Variants in MYO3B observed in about 807,000 individuals in gnomAD.
The protein encoded by MYO3B is myosin IIIB.
MYO3B carries 156 observed loss-of-function variants against 174.6 expected under a neutral mutation model. The observed-to-expected ratio is 0.89, with a 90% CI of 0.78 to 1.02. The LOEUF (loss-of-function observed/expected upper bound fraction) is 1.02. MYO3B is among the 50% of genes least tolerant of loss of function. The probability of loss-of-function intolerance (pLI) is 0.00; values close to 1 mark genes in which losing one functional copy is unlikely to be tolerated. For missense variants in MYO3B, 1,632 were observed against 1,639.4 expected (o/e 1.00, Z 0.08); for synonymous variants, 563 against 569.1 (o/e 0.99, Z 0.15).
At chr2:170,481,224 G>A (rs1270202580) in intron 25 of MYO3B, among the ~76,000 whole-genome samples, 1 of 152,200 alleles carries the variant, frequency 6.6e-6, no homozygotes, top group Non-Finnish European at 1.5e-5. Flanking sequence ...ATAGATGAGA[G>A]TCTGATATAA....
At chr2:170,235,970 T>C (rs377670659) in intron 6 of MYO3B, 21 bp from the exon 7 acceptor site, 12 of 1,613,460 alleles carry the variant, frequency 7.4e-6, no homozygotes, top group Non-Finnish European at 9.3e-6. Flanking sequence ...TGATGTGTCA[T>C]GTCCTGCTTT....
intron 6 of MYO3B, among the ~76,000 whole-genome samples, chr2:170,230,081 C>A (rs548204112): frequency 1.3e-5 from 2 of 152,004 alleles, no homozygotes; most frequent in African/African-American, 4.8e-5. Flanking sequence ...TTTAGAAAGC[C>A]TTATGTTCAA....
At chr2:170,192,232 CT>C (rs893391301) in intron 1 of MYO3B, among the ~76,000 whole-genome samples, 152 of 150,330 alleles carry the variant, frequency 1.0e-3, no homozygotes, top group Non-Finnish European at 1.8e-3. Flanking sequence ...AGGGCTAGCT[CT>C]TTTTTTTTAT....
chr2:170,457,104 C>T (rs1237174589), intron 23 of MYO3B, among the ~76,000 whole-genome samples: 2 of 152,190 alleles, frequency 1.3e-5, no homozygotes, highest in East Asian at 3.8e-4. Context: ...GCATAGTGCA[C>T]TTACCATGAA....
chr2:170,449,046 G>A (rs138029183), intron 23 of MYO3B, among the ~76,000 whole-genome samples: 1 of 152,176 alleles, frequency 6.6e-6, no homozygotes, highest in Non-Finnish European at 1.5e-5. Context: ...ATTTATGTAT[G>A]CCTGCAAACA....
chr2:170,304,156 C>T (rs1009809362), intron 7 of MYO3B, among the ~76,000 whole-genome samples: 4 of 152,070 alleles, frequency 2.6e-5, no homozygotes, highest in Non-Finnish European at 4.4e-5. Context: ...AAAAACAGAA[C>T]CTATGATTCA....
chr2:170,418,251 C>G (rs1053068481), intron 22 of MYO3B, among the ~76,000 whole-genome samples: 1 of 152,164 alleles, frequency 6.6e-6, no homozygotes, highest in Non-Finnish European at 1.5e-5. Context: ...CAGAGGCGGG[C>G]CCATGCTCTC....
intron 23 of MYO3B, among the ~76,000 whole-genome samples, chr2:170,444,519 G>A (rs1212327213): frequency 6.6e-6 from 1 of 152,176 alleles, no homozygotes; most frequent in Non-Finnish European, 1.5e-5. Flanking sequence ...CTTAAGGACT[G>A]CTTCGTTAAT....
rs1180222320 is a variant in MYO3B, at chr2:170,540,679, AAACAGC to A, written c.3576-2222_3576-2217del. On this transcript the variant is annotated intron_variant, in intron 30 of 34. Transcript: ENST00000408978. ...ACAAAAAACAACAAAAAAAACAAAA[AAACAGC>A]AACAACAACAACAACAACTCTATAA... Among the ~76,000 whole-genome samples, 595 of 150,320 alleles carry A rather than the reference AAACAGC, an allele frequency of 4.0e-3. 2 individuals are homozygous for A. Among genetic ancestry groups the A allele is most frequent in the Middle Eastern group, 6.8e-3 (2 of 294 alleles).
rs190221604 is a variant in MYO3B, at chr2:170,420,075, C to T, written c.2650+12231C>T. On this transcript the variant is annotated intron_variant, in intron 22 of 34. Transcript: ENST00000408978. ...ATGCATGCCTGTAGTCCCAGCTACT[C>T]GCGAGGCTGAGGTAGGAGAATTGTT... 1.1e-4 allele frequency among the ~76,000 whole-genome samples: 17 copies of T among 152,008 alleles called. No homozygotes were observed. In the East Asian group the frequency reaches 2.9e-3, roughly 26 times the overall value.
At chr2:170,387,009 G>A in intron 13 of MYO3B, 97 bp from the exon 14 acceptor site, 1 of 1,199,148 alleles carries the variant, frequency 8.3e-7, no homozygotes, top group Non-Finnish European at 1.2e-6. Context: ...TTTGTAAAAA[G>A]ACCATGTGGA....
chr2:170,411,511 G>T (rs2094546087), intron 22 of MYO3B, among the ~76,000 whole-genome samples: 1 of 152,142 alleles, frequency 6.6e-6, no homozygotes, highest in Non-Finnish European at 1.5e-5. Flanking sequence ...TACAACTATG[G>T]TATGATAATG....
chr2:170,453,797 C>A (rs1296167847), intron 23 of MYO3B, among the ~76,000 whole-genome samples: 1 of 152,216 alleles, frequency 6.6e-6, no homozygotes, highest in African/African-American at 2.4e-5. Context: ...CACTAGTCAC[C>A]TCATTCCACA....
rs537606054 is a variant in MYO3B, at chr2:170,447,884, G to A, written c.2730+3838G>A. Among the ~76,000 whole-genome samples the A allele has an allele frequency of 5.3e-5, 8 of 152,316 alleles. No individual in the cohort carries two copies. In the South Asian group the frequency reaches 1.7e-3, roughly 32 times the overall value. On this transcript the variant is annotated intron_variant, in intron 23 of 34. Coordinates refer to ENST00000408978, the MANE Select transcript of MYO3B (RefSeq NM_138995.5). ...GATGAAATAATAGGGAGTTGAAGCT[G>A]TCCTCTGGGGCTGAGTCAGTTTCTG... is the stretch of plus-strand genomic sequence containing the variant.
At chr2:170,604,921 G>A (rs1694721065) in intron 32 of MYO3B, among the ~76,000 whole-genome samples, 1 of 152,172 alleles carries the variant, frequency 6.6e-6, no homozygotes, top group South Asian at 2.1e-4. Context: ...ATTTTTCACA[G>A]TCTCTCTTTA....
In MYO3B at chr2:170,367,138, CT is replaced by C. The variant is rs2094204817; in HGVS notation, c.816-2083del. Among the ~76,000 whole-genome samples the C allele has an allele frequency of 3.3e-5, 5 of 152,202 alleles. No individual in the cohort carries two copies. The South Asian group carries it at 1.0e-3, about 32-fold the overall frequency. On this transcript the variant is annotated intron_variant, in intron 8 of 34. Coordinates refer to ENST00000408978, the MANE Select transcript of MYO3B (RefSeq NM_138995.5). ...TGTTTACTAATTTGAAGTGTTGCCA[CT>C]AGTCAACAGGCTATTGAGGGACCCC...
At chr2:170,490,115 G>A (rs1175743969) in intron 25 of MYO3B, among the ~76,000 whole-genome samples, 11 of 147,856 alleles carry the variant, frequency 7.4e-5, no homozygotes, top group African/African-American at 1.5e-4. Context: ...TGCAACCTCC[G>A]CCTCCCGGGT....
At chr2:170,221,087 G>T (rs2092894649) in intron 6 of MYO3B, among the ~76,000 whole-genome samples, 2 of 152,136 alleles carry the variant, frequency 1.3e-5, no homozygotes, top group African/African-American at 4.8e-5. Flanking sequence ...TTTGGGTCAA[G>T]AACAGTCCTT....
At chr2:170,650,189 C>A (rs1036536544) in intron 32 of MYO3B, among the ~76,000 whole-genome samples, 3 of 151,714 alleles carry the variant, frequency 2.0e-5, no homozygotes, top group Non-Finnish European at 4.4e-5. Context: ...CCCGCCACCA[C>A]GCCCAGCTAA....
Sources: gnomAD v4.1 joint callset for allele counts (sites outside exome capture counted in the v4.1 genomes callset) on GRCh38, gnomAD v4.1.1 for gene constraint, MANE v1.5 for transcripts, NCBI Gene and HGNC (gene_info 2026-07-23, HGNC 2026-07-21) for gene names.